Variants in NDUFA12 observed in about 807,000 individuals in gnomAD.
NDUFA12 encodes NADH:ubiquinone oxidoreductase subunit A12.
A neutral mutation model predicts 20.3 loss-of-function variants in NDUFA12; 17 were observed. The ratio of observed to expected loss-of-function variants is 0.84; its 90% CI spans 0.57 to 1.26. NDUFA12 has a LOEUF of 1.26. Ranked by LOEUF, NDUFA12 falls within the 50% of genes most tolerant of loss-of-function variation. NDUFA12 has a pLI of 0.00. For missense variants in NDUFA12, 191 were observed against 183.7 expected (o/e 1.04, Z -0.23); for synonymous variants, 72 against 63.6 (o/e 1.13, Z -0.63).
intron 1 of NDUFA12, 70 bp downstream of exon 1, chr12:95,003,525 G>T: frequency 1.3e-6 from 2 of 1,503,266 alleles, no homozygotes; most frequent in South Asian, 1.1e-5. Flanking sequence ...CCGAGCCTGG[G>T]ACCCCTTCCA....
intron 2 of NDUFA12, among the ~76,000 whole-genome samples, chr12:94,994,861 C>T (rs1035829853): frequency 3.2e-4 from 49 of 152,160 alleles, no homozygotes; most frequent in African/African-American, 1.1e-3. Flanking sequence ...CTTATTTACA[C>T]AATTGGGTCC....
intron 2 of NDUFA12, among the ~76,000 whole-genome samples, chr12:94,996,127 G>A (rs1565819033): frequency 6.6e-6 from 1 of 151,748 alleles, no homozygotes; most frequent in Non-Finnish European, 1.5e-5. Context: ...AGGATCACTT[G>A]AGCACGGGAG....
At chr12:94,997,982 A>G (rs1029744722) in intron 2 of NDUFA12, among the ~76,000 whole-genome samples, 4 of 152,166 alleles carry the variant, frequency 2.6e-5, no homozygotes, top group Admixed American at 1.3e-4. Context: ...TGGTCATTCT[A>G]TGATGCACAG....
intron 3 of NDUFA12, among the ~76,000 whole-genome samples, chr12:94,984,997 C>CATAAA (rs1874373638): frequency 4.2e-5 from 1 of 23,918 alleles, no homozygotes; most frequent in Non-Finnish European, 8.6e-5. Context: ...ATTAACATAA[C>CATAAA]ATAACATAAA....
chr12:94,982,275 C>CTT (rs201781364), intron 3 of NDUFA12, among the ~76,000 whole-genome samples: 1 of 135,660 alleles, frequency 7.4e-6, no homozygotes, highest in African/African-American at 2.7e-5. Flanking sequence ...TTTTTCTTTT[C>CTT]TTTTTTTTTT....
intron 2 of NDUFA12, chr12:94,996,837 T>C: frequency 5.8e-6 from 1 of 172,074 alleles, no homozygotes; most frequent in Non-Finnish European, 1.2e-5. Context: ...AAAAAAAAAT[T>C]AAAGAAAGGA....
intron 2 of NDUFA12, among the ~76,000 whole-genome samples, chr12:95,001,752 T>G (rs1875040441): frequency 6.6e-6 from 1 of 152,236 alleles, no homozygotes; most frequent in Non-Finnish European, 1.5e-5. Flanking sequence ...GTTGCCAGAC[T>G]GGAGTAGAGT....
At chr12:94,995,694 T>A (rs1336566335) in intron 2 of NDUFA12, among the ~76,000 whole-genome samples, 1 of 151,994 alleles carries the variant, frequency 6.6e-6, no homozygotes. Context: ...CCACCATGCC[T>A]GGCTAATTTT....
chr12:94,992,537 G>A (rs1874677619), intron 3 of NDUFA12, among the ~76,000 whole-genome samples: 1 of 152,208 alleles, frequency 6.6e-6, no homozygotes, highest in Non-Finnish European at 1.5e-5. Context: ...ATAGGTTCAT[G>A]TTTTCTCATG....
At chr12:94,976,039 A>G (rs1874054163) in intron 3 of NDUFA12, among the ~76,000 whole-genome samples, 1 of 151,644 alleles carries the variant, frequency 6.6e-6, no homozygotes, top group South Asian at 2.1e-4. Context: ...AAAAAAGAGA[A>G]GAGAGAGAGA....
At chr12:94,976,044 G>C (rs1874054739) in intron 3 of NDUFA12, among the ~76,000 whole-genome samples, 1 of 152,058 alleles carries the variant, frequency 6.6e-6, no homozygotes, top group South Asian at 2.1e-4. Context: ...AGAGAAGAGA[G>C]AGAGAGACAG....
At position 95,002,680 on chromosome 12, in the gene NDUFA12, G is replaced by C; in HGVS notation, c.169+59C>G. 3 of 1,237,648 alleles carry C rather than the reference G, an allele frequency of 2.4e-6. No homozygotes were observed. In the South Asian group the frequency reaches 3.6e-5, roughly 15 times the overall value. 76.7% of individuals were successfully genotyped at this position (1,237,648 alleles called of 1,614,324 possible). A position where few individuals can be genotyped will look rare whatever the true frequency, so the allele number is the denominator to read the frequency against. ...AGCTCATTGCATAATATGGAAAATA[G>C]ACTCAAATCAAATCCCAATCCCAAT... On this transcript the variant is annotated intron_variant, in intron 2 of 3. Transcript: ENST00000327772.
rs118106103 is a variant in NDUFA12, at chr12:94,978,894, C to T, written c.258-7274G>A. On this transcript the variant is annotated intron_variant, in intron 3 of 3. Coordinates refer to ENST00000327772, the MANE Select transcript of NDUFA12 (RefSeq NM_018838.5). The stretch of plus-strand genomic sequence containing the variant: ...AAAGCCCCACAGAAACTAAAACACT[C>T]GAACTGACACAGTATTTAGTGAGAC... Among the ~76,000 whole-genome samples the T allele has an allele frequency of 1.1e-3, 166 of 152,176 alleles. 1 individual carries two copies. The highest frequency in any genetic ancestry group is 1.2e-3 in the Non-Finnish European group (80 of 68,032).
At chr12:94,992,232 G>A (rs1353510820) in intron 3 of NDUFA12, among the ~76,000 whole-genome samples, 1 of 152,076 alleles carries the variant, frequency 6.6e-6, no homozygotes, top group African/African-American at 2.4e-5. Context: ...TGCAAAATTT[G>A]GTAATTCAAG....
At chr12:94,997,947 G>C (rs964060888) in intron 2 of NDUFA12, among the ~76,000 whole-genome samples, 1 of 152,110 alleles carries the variant, frequency 6.6e-6, no homozygotes, top group Non-Finnish European at 1.5e-5. Flanking sequence ...GACATTTTTG[G>C]TTTGTCAGTC....
At chr12:95,002,356 C>A (rs1473162480) in intron 2 of NDUFA12, among the ~76,000 whole-genome samples, 1 of 138,232 alleles carries the variant, frequency 7.2e-6, no homozygotes, top group Non-Finnish European at 1.5e-5. Context: ...GCAGGAGAAT[C>A]GCTGGAACCC....
chr12:94,994,247 T>C lies in NDUFA12; in HGVS notation c.180A>G (p.Arg60=). ...EDNKQFFGRH[R]WVVYTTEMNG... ...TCATTTCAGTAGTATATACAACCCA[T>C]CGGTGACGGCCTGGGTGGGAAGATG... is the stretch of plus-strand genomic sequence containing the variant. The change falls in exon 3 of 4, where the codon CGA becomes CGG. Residue 60 remains arginine (R), a synonymous_variant. Coordinates refer to ENST00000327772, the MANE Select transcript of NDUFA12 (RefSeq NM_018838.5). 1 of 1,614,048 alleles carries C rather than the reference T, an allele frequency of 6.2e-7. No homozygotes were observed. The highest frequency in any genetic ancestry group is 8.5e-7 in the Non-Finnish European group (1 of 1,179,922).
intron 3 of NDUFA12, among the ~76,000 whole-genome samples, chr12:94,989,311 C>A (rs1287910902): frequency 6.6e-6 from 1 of 152,134 alleles, no homozygotes; most frequent in Non-Finnish European, 1.5e-5. Context: ...TGCTTTACCC[C>A]AGGTTCTTGG....
chr12:94,994,318 A>G, intron 2 of NDUFA12, 61 bp from the exon 3 acceptor site: 4 of 1,235,978 alleles, frequency 3.2e-6, no homozygotes, highest in Non-Finnish European at 4.7e-6. Flanking sequence ...TAGATGCATA[A>G]TATCAAAGAA....
Sources: gnomAD v4.1 joint callset for allele counts (sites outside exome capture counted in the v4.1 genomes callset) on GRCh38, gnomAD v4.1.1 for gene constraint, MANE v1.5 for transcripts, NCBI Gene and HGNC (gene_info 2026-07-23, HGNC 2026-07-21) for gene names.